Variants in ERAP2 observed in about 807,000 individuals in gnomAD.
The protein encoded by ERAP2 is endoplasmic reticulum aminopeptidase 2.
A neutral mutation model predicts 111.1 loss-of-function variants in ERAP2; 118 were observed. The ratio of observed to expected loss-of-function variants is 1.06; its 90% CI spans 0.92 to 1.24. The LOEUF (loss-of-function observed/expected upper bound fraction) is 1.24. Ranked by LOEUF, ERAP2 falls within the 50% of genes most tolerant of loss-of-function variation. The pLI is 0.00. For synonymous variants in ERAP2, 410 were observed against 401.2 expected (o/e 1.02, Z -0.26); for missense variants, 1,131 against 1,125.8 (o/e 1.00, Z -0.07).
intron 4 of ERAP2, among the ~76,000 whole-genome samples, chr5:96,887,499 C>T (rs1783880921): frequency 6.6e-6 from 1 of 152,042 alleles, no homozygotes; most frequent in Non-Finnish European, 1.5e-5. Flanking sequence ...GGGGTTTCAC[C>T]ATGTTGACCA....
rs757590989 is a variant in ERAP2, at chr5:96,896,461, C to T, written c.1328C>T (p.Pro443Leu). The T allele has an allele frequency of 7.4e-6, 12 of 1,613,490 alleles. No individual in the cohort carries two copies. Among genetic ancestry groups the T allele is most frequent in the Admixed American group, 3.3e-5 (2 of 59,908 alleles). Residue 443 changes from proline to leucine, a missense_variant, in exon 8 of 19, where the codon CCG becomes CTG. Physicochemically the swap from Pro to Leu is moderately conservative, Grantham distance 98. Around this residue, in one of 3 missense-constraint regions of ERAP2, gnomAD observed 847 missense variants for 856.5 expected, o/e 0.99. Coordinates refer to ENST00000437043, the MANE Select transcript of ERAP2 (RefSeq NM_022350.5). ...CCTATCTCCAAACCAGCGGAAACCC[C>T]GACTCAAATACAGGAAATGTTTGAT... Reference protein sequence around the residue: ...SRPISKPAETPTQIQEMFDEV... With the variant: ...SRPISKPAETLTQIQEMFDEV...
chr5:96,887,350 G>A (rs1783864880), intron 4 of ERAP2, among the ~76,000 whole-genome samples: 1 of 150,378 alleles, frequency 6.6e-6, no homozygotes, highest in Non-Finnish European at 1.5e-5. Context: ...GGCCAGGCTG[G>A]AGTGCAATGA....
chr5:96,891,718 T>C (rs1784414954), intron 5 of ERAP2, among the ~76,000 whole-genome samples: 1 of 151,976 alleles, frequency 6.6e-6, no homozygotes, highest in Non-Finnish European at 1.5e-5. Context: ...GAAGTCAGAA[T>C]CAATTCCCAG....
At chr5:96,876,249 G>A (rs1332726889), upstream of ERAP2, 4 of 152,294 alleles carry the variant, frequency 2.6e-5, no homozygotes, top group Non-Finnish European at 5.9e-5. Context: ...TGGGGACAAG[G>A]GAAGGGAGGT....
intron 7 of ERAP2, 47 bp downstream of exon 7, chr5:96,895,406 T>A: frequency 8.0e-7 from 1 of 1,253,378 alleles, no homozygotes; most frequent in Non-Finnish European, 1.1e-6. Flanking sequence ...TAAAGAATCA[T>A]CAATTCACTA....
rs1787633449 is a variant in ERAP2 at position 96,917,996 on chromosome 5, TAAC to T, written c.*393_*395del. ...ACTGCCTGCATGAAGTCAAACAGGG[TAAC>T]ACCAGTGAAGCTCAAGTCAAGAGCT... On this transcript the variant is annotated 3_prime_UTR_variant, in exon 19 of 19. Coordinates refer to ENST00000437043, the MANE Select transcript of ERAP2 (RefSeq NM_022350.5). 1 of 148,910 alleles carries T rather than the reference TAAC, an allele frequency of 6.7e-6. No individual in the cohort carries two copies. The highest frequency in any genetic ancestry group is 1.5e-5 in the Non-Finnish European group (1 of 68,320). The allele number at this position is 148,910 out of a possible 1,614,324, so 9.2% of individuals were successfully genotyped here.
At position 96,917,466 on chromosome 5, in the gene ERAP2, A is replaced by G; in HGVS notation, c.2744A>G (p.Lys915Arg). The G allele has an allele frequency of 6.2e-7, 1 of 1,610,028 alleles. No individual in the cohort carries two copies. Among genetic ancestry groups the G allele is most frequent in the Non-Finnish European group, 8.5e-7 (1 of 1,178,226 alleles). ...TTTTTCTTCAATATTTTACAGGTGA[A>G]ACTATTTTTTGAATCTCTTGAGGCT... Reference protein sequence around the residue: ...FSSKDKLQEVKLFFESLEAQG... With the variant: ...FSSKDKLQEVRLFFESLEAQG... The change falls in exon 19 of 19, where the codon AAA (lysine) becomes AGA (arginine). Residue 915 changes from lysine to arginine, a missense_variant. By Grantham distance (26) the Lys-to-Arg change is conservative. Around this residue, in one of 3 missense-constraint regions of ERAP2, gnomAD observed 279 missense variants for 250.9 expected, o/e 1.11. Coordinates refer to ENST00000437043, the MANE Select transcript of ERAP2 (RefSeq NM_022350.5).
intron 3 of ERAP2, 62 bp from the exon 4 acceptor site, chr5:96,886,593 A>G: frequency 7.2e-7 from 1 of 1,391,076 alleles, no homozygotes; most frequent in Admixed American, 2.0e-5. Context: ...GCCATAAGTC[A>G]TAGGCATGGT....
At chr5:96,904,139 C>T (rs7714149) in intron 13 of ERAP2, among the ~76,000 whole-genome samples, 195 of 152,232 alleles carry the variant, frequency 1.3e-3, no homozygotes, top group African/African-American at 4.2e-3. Flanking sequence ...ATTAGTATGA[C>T]GTTTGTAGGG....
intron 3 of ERAP2, among the ~76,000 whole-genome samples, chr5:96,884,162 C>A (rs1581797357): frequency 6.6e-6 from 1 of 151,656 alleles, no homozygotes; most frequent in Non-Finnish European, 1.5e-5. Flanking sequence ...TTTTCCCAAG[C>A]AAAGTGATTT....
Position 96,901,587 on chromosome 5 carries a change from G to A in ERAP2, c.1654G>A (p.Val552Ile). ...TLQKGIPLLV[V>I]KQDGCSLRLQ... ...CCAGAAAGGAATCCCCCTGCTGGTGGTTAAACAAGACGGGTGTTCACTCCG... is the reference window on the plus strand; with the variant it reads ...CCAGAAAGGAATCCCCCTGCTGGTGATTAAACAAGACGGGTGTTCACTCCG... Residue 552 changes from valine (V) to isoleucine (I), a missense_variant, in exon 11 of 19, where the codon GTT (valine) becomes ATT (isoleucine). This residue lies in a region of ERAP2 where 847 missense variants were observed against 856.5 expected (regional missense o/e 0.99). Transcript: ENST00000437043. The A allele has an allele frequency of 6.2e-7, 1 of 1,614,138 alleles. No individual in the cohort carries two copies. The highest frequency in any genetic ancestry group is 8.5e-7 in the Non-Finnish European group (1 of 1,179,984).
Position 96,919,608 on chromosome 5 carries a change from T to A in ERAP2, c.*2003T>A, listed in dbSNP as rs1180996260. On this transcript the variant is annotated 3_prime_UTR_variant, in exon 19 of 19. Coordinates refer to ENST00000437043, the MANE Select transcript of ERAP2 (RefSeq NM_022350.5). Reference sequence around the variant, plus strand: ...TTGCAATTTCTAGGATTCTAAAGAATTGAGTACAGAAAGTAGCAATTTTAT... The same window carrying A: ...TTGCAATTTCTAGGATTCTAAAGAAATGAGTACAGAAAGTAGCAATTTTAT... 1 of 152,204 alleles carries A rather than the reference T, an allele frequency of 6.6e-6. No homozygotes were observed. Among genetic ancestry groups the A allele is most frequent in the African/African-American group, 2.4e-5 (1 of 41,448 alleles). 9.4% of individuals were successfully genotyped at this position (152,204 alleles called of 1,614,324 possible).
In ERAP2 at chr5:96,876,505, A is replaced by C. The variant is rs1372941717; in HGVS notation, c.-145A>C. 6.6e-6 allele frequency: 1 copy of C among 152,358 alleles called. No homozygotes were observed. The highest frequency in any genetic ancestry group is 1.5e-5 in the Non-Finnish European group (1 of 68,036). The allele number at this position is 152,358 out of a possible 1,614,324, so 9.4% of individuals were successfully genotyped here. On this transcript the variant is annotated 5_prime_UTR_variant, in exon 1 of 19. Transcript: ENST00000437043. Reference sequence around the variant, plus strand: ...GCAAAAGTAAATTCCCCTTCAGTCAAATCTGCAGCAGCATGATTTAAGGTA... The same window carrying C: ...GCAAAAGTAAATTCCCCTTCAGTCACATCTGCAGCAGCATGATTTAAGGTA...
chr5:96,880,404 T>C, intron 2 of ERAP2, 144 bp downstream of exon 2: 1 of 762,024 alleles, frequency 1.3e-6, no homozygotes. Flanking sequence ...AGATCTACCA[T>C]TCCTTAAGGA....
rs370896657 is a variant in ERAP2, at chr5:96,892,466, C to A, written c.1125+13C>A. ...ACTGGCGCACCAGGTACTTGGCACT[C>A]ATGACATTATCTCGATATCAGTTCA... is the stretch of plus-strand genomic sequence containing the variant. On this transcript the variant is annotated intron_variant, in intron 6 of 18. Coordinates refer to ENST00000437043, the MANE Select transcript of ERAP2 (RefSeq NM_022350.5). 9.3e-6 allele frequency: 15 copies of A among 1,613,324 alleles called. No individual in the cohort carries two copies. In the African/African-American group the frequency reaches 1.9e-4, roughly 20 times the overall value.
chr5:96,917,936 A>AAAAAG lies in ERAP2; in HGVS notation c.*347_*351dup, dbSNP rs1201080284. The AAAAAG allele has an allele frequency of 4.7e-3, 763 of 160,964 alleles. 3 individuals carry two copies. The highest frequency in any genetic ancestry group is 0.012 in the Middle Eastern group (4 of 344). The allele number at this position is 160,964 out of a possible 1,614,324, so 10.0% of individuals were successfully genotyped here. On this transcript the variant is annotated 3_prime_UTR_variant, in exon 19 of 19. Coordinates refer to ENST00000437043, the MANE Select transcript of ERAP2 (RefSeq NM_022350.5). ...AAAAAAAAAAAAAAAAAAGAAAAAG[A>AAAAAG]AAAAGAAAAGAAAAGAAAAGGTACA...
At chr5:96,891,563 CAT>C (rs1215831562) in intron 5 of ERAP2, among the ~76,000 whole-genome samples, 62 of 139,988 alleles carry the variant, frequency 4.4e-4, no homozygotes, top group Non-Finnish European at 7.3e-4. Context: ...CACACACACA[CAT>C]ATATGGTACA....
chr5:96,878,992 C>T (rs1782859632), intron 1 of ERAP2, among the ~76,000 whole-genome samples: 1 of 152,060 alleles, frequency 6.6e-6, no homozygotes, highest in Non-Finnish European at 1.5e-5. Context: ...GTAATCCCAA[C>T]AGTTTGGGAG....
chr5:96,916,639 T>C (rs896929908), intron 18 of ERAP2, among the ~76,000 whole-genome samples: 3 of 151,600 alleles, frequency 2.0e-5, no homozygotes, highest in African/African-American at 7.3e-5. Flanking sequence ...AATTTTTTTG[T>C]ATTTTTTTTT....
Sources: gnomAD v4.1 joint callset for allele counts (sites outside exome capture counted in the v4.1 genomes callset) on GRCh38, gnomAD v4.1.1 for gene constraint, gnomAD v4.1.1 regional missense constraint, MANE v1.5 for transcripts, NCBI Gene and HGNC (gene_info 2026-07-23, HGNC 2026-07-21) for gene names.